Variants in HLA-DPB1 observed in about 807,000 individuals in gnomAD.
HLA-DPB1 encodes the protein major histocompatibility complex, class II, DP beta 1, also known as HLA class II histocompatibility antigen, DP beta 1 chain.
In HLA-DPB1, 30 loss-of-function variants were observed where a neutral mutation model predicts 29.4. That is an observed-to-expected ratio of 1.02 (90% CI 0.76 to 1.38). The LOEUF is 1.38. Ranked by LOEUF, HLA-DPB1 falls within the 40% of genes most tolerant of loss-of-function variation. HLA-DPB1 has a pLI of 0.00. For missense variants in HLA-DPB1, 261 were observed against 327.5 expected, an observed-to-expected ratio of 0.80 and a Z score of 1.57; for synonymous variants, 114 against 134.0, an observed-to-expected ratio of 0.85 and a Z score of 1.03.
intron 1 of HLA-DPB1, among the ~76,000 whole-genome samples, chr6:33,078,354 G>A (rs1762662771): frequency 6.6e-6 from 1 of 152,078 alleles, no homozygotes; most frequent in Non-Finnish European, 1.5e-5. Flanking sequence ...AAGTGGGCAG[G>A]GCTGATTCCA....
rs1212248502 is a variant in HLA-DPB1, at chr6:33,087,570, A to T, written c.*1036A>T. The stretch of plus-strand genomic sequence containing the variant: ...ACAATCAGTGCACAGCAGCTCTCTT[A>T]TACATCCAGTTGATGCCTTCAGTCT... On this transcript the variant is annotated 3_prime_UTR_variant, in exon 6 of 6. Coordinates refer to ENST00000418931, the MANE Select transcript of HLA-DPB1 (RefSeq NM_002121.6). Among the ~76,000 whole-genome samples the T allele has an allele frequency of 6.6e-6, 1 of 152,162 alleles. No homozygotes were observed. The highest frequency in any genetic ancestry group is 2.4e-5 in the African/African-American group (1 of 41,432).
intron 2 of HLA-DPB1, among the ~76,000 whole-genome samples, chr6:33,082,305 C>T (rs1239433053): frequency 6.6e-6 from 1 of 152,084 alleles, no homozygotes; most frequent in African/African-American, 2.4e-5. Flanking sequence ...TTGCAGACAG[C>T]CCTGATGCCA....
Position 33,080,881 on chromosome 6 carries a change from A to ACC in HLA-DPB1, c.310_311insCC (p.Arg104ThrfsTer14). On this transcript the variant is annotated frameshift_variant, in exon 2 of 6. Transcript: ENST00000418931. LOFTEE classifies it high-confidence loss of function. This position sits in a 1 kb window ranked among gnomAD's most constrained non-coding sequence, Gnocchi z 4.3. ...GGAGGAGAAGCGGGCAGTGCCGGAC[A>ACC]GGATGTGCAGACACAACTACGAGCT... The ACC allele has an allele frequency of 1.9e-6, 3 of 1,611,264 alleles. No individual in the cohort carries two copies. The highest frequency in any genetic ancestry group is 2.5e-6 in the Non-Finnish European group (3 of 1,178,646).
intron 2 of HLA-DPB1, among the ~76,000 whole-genome samples, chr6:33,082,752 C>T (rs1436614044): frequency 6.6e-6 from 1 of 152,108 alleles, no homozygotes; most frequent in Non-Finnish European, 1.5e-5. Flanking sequence ...TGGATGTCCA[C>T]CCAAATCTAG....
chr6:33,086,401 G>A (rs1763107050), intron 5 of HLA-DPB1, 138 bp from the exon 6 acceptor site: 1 of 750,606 alleles, frequency 1.3e-6, no homozygotes, highest in African/African-American at 1.8e-5. Context: ...AGCATTGCTT[G>A]GCTCCATTGC....
rs1762837281 is a variant in HLA-DPB1 at position 33,080,986 on chromosome 6, G to T, written c.364+51G>T. The T allele has an allele frequency of 6.6e-7, 1 of 1,509,396 alleles. No individual in the cohort carries two copies. Among genetic ancestry groups the T allele is most frequent in the South Asian group, 1.3e-5 (1 of 76,712 alleles). The allele number at this position is 1,509,396 out of a possible 1,614,324, so 93.5% of individuals were successfully genotyped here. On this transcript the variant is annotated intron_variant, in intron 2 of 5. Coordinates refer to ENST00000418931, the MANE Select transcript of HLA-DPB1 (RefSeq NM_002121.6). This position sits in a 1 kb window ranked among gnomAD's most constrained non-coding sequence, Gnocchi z 4.3. ...TCCCAGGGCAGCCCCGCGGGCCCGT[G>T]CCCAGGGCGCAGGAGCAGCCGGGTT...
intron 1 of HLA-DPB1, among the ~76,000 whole-genome samples, chr6:33,077,737 C>T (rs1157170791): frequency 6.6e-6 from 1 of 152,162 alleles, no homozygotes; most frequent in Non-Finnish European, 1.5e-5. Flanking sequence ...CCTGCTTACA[C>T]CCTTCCTCCT....
In HLA-DPB1 at chr6:33,088,040, G is replaced by T. The variant is rs892224229; in HGVS notation, c.*1506G>T. 2.0e-5 allele frequency among the ~76,000 whole-genome samples: 3 copies of T among 148,096 alleles called. No homozygotes were observed. The highest frequency in any genetic ancestry group is 4.4e-5 in the Non-Finnish European group (3 of 67,468). On this transcript the variant is annotated 3_prime_UTR_variant, in exon 6 of 6. Coordinates refer to ENST00000418931, the MANE Select transcript of HLA-DPB1 (RefSeq NM_002121.6). ...AGCTGTCACATAATAAGCTAAGGAA[G>T]ACAGTATATAGTAAATAAGGACCCT...
At chr6:33,076,895 C>T (rs530688293) in intron 1 of HLA-DPB1, among the ~76,000 whole-genome samples, 1 of 152,080 alleles carries the variant, frequency 6.6e-6, no homozygotes, top group African/African-American at 2.4e-5. Flanking sequence ...CATTGTTTTT[C>T]TCTCAGGATA....
intron 1 of HLA-DPB1, among the ~76,000 whole-genome samples, chr6:33,077,676 G>C (rs1227268303): frequency 6.6e-6 from 1 of 152,186 alleles, no homozygotes; most frequent in African/African-American, 2.4e-5. Flanking sequence ...AACACTCTGA[G>C]AGGAAGGACT....
intron 2 of HLA-DPB1, among the ~76,000 whole-genome samples, chr6:33,082,783 T>C (rs1762932571): frequency 6.6e-6 from 1 of 152,186 alleles, no homozygotes; most frequent in Admixed American, 6.5e-5. Context: ...GCAAATGTTT[T>C]CTGGGCATTA....
chr6:33,079,018 C>T (rs1474573720), intron 1 of HLA-DPB1, among the ~76,000 whole-genome samples: 1 of 152,192 alleles, frequency 6.6e-6, no homozygotes, highest in Non-Finnish European at 1.5e-5. Flanking sequence ...ATATCTGAGT[C>T]AAGACCTGGG....
At chr6:33,076,569 G>A (rs1009894873) in intron 1 of HLA-DPB1, among the ~76,000 whole-genome samples, 17 of 152,176 alleles carry the variant, frequency 1.1e-4, no homozygotes, top group African/African-American at 3.4e-4. Flanking sequence ...CAGTGCTCAC[G>A]AAGAATGCCT....
chr6:33,083,217 G>A (rs1762951105), intron 2 of HLA-DPB1, among the ~76,000 whole-genome samples: 1 of 152,216 alleles, frequency 6.6e-6, no homozygotes, highest in African/African-American at 2.4e-5. Flanking sequence ...ATACAATAGG[G>A]AGTAAGGGTT....
Position 33,080,514 on chromosome 6 carries a change from C to A in HLA-DPB1, c.101-158C>A, listed in dbSNP as rs967951653. The A allele has an allele frequency of 2.8e-6, 3 of 1,070,704 alleles. No homozygotes were observed. 66.3% of individuals were successfully genotyped at this position (1,070,704 alleles called of 1,614,324 possible). A position where few individuals can be genotyped will look rare whatever the true frequency, so the allele number is the denominator to read the frequency against. ...ACAGGCCTGGAGAGGCTCTGCGACCCGCTTAGGACCACAGAACTCGGTACT... is the reference window on the plus strand; with the variant it reads ...ACAGGCCTGGAGAGGCTCTGCGACCAGCTTAGGACCACAGAACTCGGTACT... On this transcript the variant is annotated intron_variant, in intron 1 of 5. Coordinates refer to ENST00000418931, the MANE Select transcript of HLA-DPB1 (RefSeq NM_002121.6). This position sits in a 1 kb window ranked among gnomAD's most constrained non-coding sequence, Gnocchi z 4.3.
At chr6:33,079,350 CA>C (rs1313618837) in intron 1 of HLA-DPB1, 1 of 190,514 alleles carries the variant, frequency 5.2e-6, no homozygotes, top group East Asian at 1.7e-4. Context: ...GGAAGAACAG[CA>C]TGTGGGAAAG....
chr6:33,079,860 G>T, intron 1 of HLA-DPB1: 1 of 329,606 alleles, frequency 3.0e-6, no homozygotes, highest in Non-Finnish European at 5.9e-6. Context: ...AAAATGAGTA[G>T]AAAGTTCATG....
chr6:33,080,533 C>A lies in HLA-DPB1; in HGVS notation c.101-139C>A. 8.0e-7 allele frequency: 1 copy of A among 1,253,084 alleles called. No homozygotes were observed. Among genetic ancestry groups the A allele is most frequent in the Non-Finnish European group, 1.1e-6 (1 of 874,148 alleles). 77.6% of individuals were successfully genotyped at this position (1,253,084 alleles called of 1,614,324 possible). ...GCGACCCGCTTAGGACCACAGAACT[C>A]GGTACTAGGAAAACTCCTATTTTAA... On this transcript the variant is annotated intron_variant, in intron 1 of 5. Transcript: ENST00000418931. The surrounding 1 kb of genome is among the most constrained non-coding windows in gnomAD (Gnocchi z 4.3).
chr6:33,085,557 ATT>A (rs1406335928), intron 3 of HLA-DPB1, among the ~76,000 whole-genome samples: 13 of 152,178 alleles, frequency 8.5e-5, no homozygotes, highest in African/African-American at 3.1e-4. Flanking sequence ...CTTCTCAGGC[ATT>A]TTGAGAGGCA....
Sources: gnomAD v4.1 joint callset for allele counts (sites outside exome capture counted in the v4.1 genomes callset) on GRCh38, gnomAD v4.1.1 for gene constraint, Gnocchi (gnomAD v3.1) non-coding constraint, MANE v1.5 for transcripts, NCBI Gene and HGNC (gene_info 2026-07-23, HGNC 2026-07-21) for gene names.